KTN1: variants seen among roughly 807,000 people sequenced by gnomAD.
The protein encoded by KTN1 is kinectin 1.
A neutral mutation model predicts 222.5 loss-of-function variants in KTN1; 130 were observed. The ratio of observed to expected loss-of-function variants is 0.58; its 90% CI spans 0.51 to 0.68. The LOEUF is 0.68. KTN1 is among the 30% of genes least tolerant of loss of function. The pLI is 0.00. For synonymous variants in KTN1, 512 were observed against 496.3 expected (o/e 1.03, Z -0.42); for missense variants, 1,508 against 1,500.4 (o/e 1.01, Z -0.08).
At chr14:55,586,328 A>G (rs2032989935) in intron 1 of KTN1, among the ~76,000 whole-genome samples, 1 of 152,234 alleles carries the variant, frequency 6.6e-6, no homozygotes, top group African/African-American at 2.4e-5. Flanking sequence ...AGGCTCATTA[A>G]GGAATTATCT....
chr14:55,676,102 G>C (rs1021933633), intron 41 of KTN1, among the ~76,000 whole-genome samples, 184 bp downstream of exon 41: 1 of 152,064 alleles, frequency 6.6e-6, no homozygotes, highest in Non-Finnish European at 1.5e-5. Context: ...GTTTTTCCAG[G>C]ATTCTTAATT....
Position 55,684,116 on chromosome 14 carries a change from A to T in KTN1, c.*13A>T, listed in dbSNP as rs765431987. On this transcript the variant is annotated 3_prime_UTR_variant, in exon 44 of 44. Coordinates refer to ENST00000395314, the MANE Select transcript of KTN1 (RefSeq NM_001079521.2). ...TTTTACAGAGTGAAGTAATTGGGAA[A>T]CTGTTCATTTGAGGATAAAAAAGGC... 6.3e-7 allele frequency: 1 copy of T among 1,599,982 alleles called. No individual in the cohort carries two copies. The highest frequency in any genetic ancestry group is 1.7e-5 in the Admixed American group (1 of 58,806).
Position 55,619,191 on chromosome 14 carries a change from A to G in KTN1, c.842A>G (p.Glu281Gly). ...TTTTTTTCAAATTAAGAAAATGCTGAAGTGAAGTTTAAAGATTTTCTTCTG... is the reference window on the plus strand; with the variant it reads ...TTTTTTTCAAATTAAGAAAATGCTGGAGTGAAGTTTAAAGATTTTCTTCTG... ...LKTETDKENAEVKFKDFLLSL... is the reference protein window; with the variant it reads ...LKTETDKENAGVKFKDFLLSL... Residue 281 changes from glutamate to glycine, a missense_variant, in exon 5 of 44, where the codon GAA becomes GGA. By Grantham distance (98) the Glu-to-Gly change is moderately conservative (BLOSUM62 -2). Coordinates refer to ENST00000395314, the MANE Select transcript of KTN1 (RefSeq NM_001079521.2). 1 of 1,603,934 alleles carries G rather than the reference A, an allele frequency of 6.2e-7. No homozygotes were observed. Among genetic ancestry groups the G allele is most frequent in the Non-Finnish European group, 8.5e-7 (1 of 1,173,130 alleles).
At chr14:55,659,754 T>G in intron 31 of KTN1, 51 bp downstream of exon 31, 1 of 1,031,562 alleles carries the variant, frequency 9.7e-7, no homozygotes, top group Middle Eastern at 2.1e-4. Flanking sequence ...TATTTTTATG[T>G]GGTAAACCAT....
intron 1 of KTN1, among the ~76,000 whole-genome samples, chr14:55,604,268 C>G (rs1398876551): frequency 6.6e-6 from 1 of 152,182 alleles, no homozygotes; most frequent in Non-Finnish European, 1.5e-5. Flanking sequence ...GTCTCATGAT[C>G]TTTGTGCTTG....
At chr14:55,611,614 T>C (rs925784640) in intron 1 of KTN1, among the ~76,000 whole-genome samples, 6 of 152,148 alleles carry the variant, frequency 3.9e-5, no homozygotes, top group Non-Finnish European at 8.8e-5. Flanking sequence ...TGAATGTCCA[T>C]TGAGTTGGTA....
chr14:55,639,180 C>G lies in KTN1; in HGVS notation c.1786-5C>G, dbSNP rs1566771418. The G allele has an allele frequency of 1.3e-6, 2 of 1,595,114 alleles. No homozygotes were observed. The highest frequency in any genetic ancestry group is 1.7e-5 in the Admixed American group (1 of 59,782). The stretch of plus-strand genomic sequence containing the variant: ...TTTTATGTTGACACTATTTTTCTTT[C>G]TTAGACCTCCGCTTCAGTTCTAGCA... On this transcript the variant is annotated splice_region_variant and splice_polypyrimidine_tract_variant and intron_variant, in intron 12 of 43. Transcript: ENST00000395314.
chr14:55,673,473 G>C (rs923374925), intron 40 of KTN1: 2 of 359,866 alleles, frequency 5.6e-6, no homozygotes, highest in African/African-American at 4.2e-5. Context: ...ACAATGGCAT[G>C]TTTGGCTTCC....
chr14:55,684,173 AT>A lies in KTN1; in HGVS notation c.*73del. 1 of 1,260,060 alleles carries A rather than the reference AT, an allele frequency of 7.9e-7. No homozygotes were observed. The highest frequency in any genetic ancestry group is 1.1e-6 in the Non-Finnish European group (1 of 881,204). 78.1% of individuals were successfully genotyped at this position (1,260,060 alleles called of 1,614,324 possible). On this transcript the variant is annotated 3_prime_UTR_variant, in exon 44 of 44. Coordinates refer to ENST00000395314, the MANE Select transcript of KTN1 (RefSeq NM_001079521.2). ...TTATATTTTGCCAAATTAAAGCCTT[AT>A]TTATGTTTTCACCCTTTCTACTTTG...
intron 5 of KTN1, among the ~76,000 whole-genome samples, chr14:55,627,032 A>C (rs1174721222): frequency 1.3e-5 from 2 of 152,180 alleles, no homozygotes; most frequent in Non-Finnish European, 2.9e-5. Context: ...CTCTGTAGCC[A>C]TGGGTATATT....
chr14:55,623,183 C>A (rs1334430256), intron 5 of KTN1, among the ~76,000 whole-genome samples: 1 of 152,246 alleles, frequency 6.6e-6, no homozygotes, highest in African/African-American at 2.4e-5. Context: ...TTTATCATAG[C>A]ACTATAAGTC....
At chr14:55,600,452 G>A (rs905246977) in intron 1 of KTN1, among the ~76,000 whole-genome samples, 4 of 152,108 alleles carry the variant, frequency 2.6e-5, no homozygotes, top group Admixed American at 2.6e-4. Context: ...ACCACTGGGA[G>A]AAGTTATAGG....
chr14:55,599,528 A>C (rs2035629138), intron 1 of KTN1, among the ~76,000 whole-genome samples: 1 of 151,676 alleles, frequency 6.6e-6, no homozygotes, highest in Non-Finnish European at 1.5e-5. Flanking sequence ...GCAGTGGCGC[A>C]ATCTTGGCTC....
chr14:55,600,536 C>T (rs1241079276), intron 1 of KTN1, among the ~76,000 whole-genome samples: 1 of 152,106 alleles, frequency 6.6e-6, no homozygotes, highest in Non-Finnish European at 1.5e-5. Context: ...GGGAGGTATT[C>T]ATCCCTGCTT....
At chr14:55,587,630 T>C (rs1486234063) in intron 1 of KTN1, among the ~76,000 whole-genome samples, 1 of 152,220 alleles carries the variant, frequency 6.6e-6, no homozygotes, top group Non-Finnish European at 1.5e-5. Flanking sequence ...TGGGAAGTCA[T>C]GTTCATTTGA....
At chr14:55,638,698 G>A (rs866750940) in intron 12 of KTN1, among the ~76,000 whole-genome samples, 14 of 151,898 alleles carry the variant, frequency 9.2e-5, no homozygotes, top group Middle Eastern at 6.8e-3. Context: ...ATTGAATTGT[G>A]ATCTTTAGTT....
chr14:55,652,445 C>A (rs2043017279), intron 25 of KTN1, among the ~76,000 whole-genome samples: 1 of 141,064 alleles, frequency 7.1e-6, no homozygotes, highest in Admixed American at 7.6e-5. Flanking sequence ...GTCGCCCAGG[C>A]TGGAGTGCAG....
chr14:55,583,829 A>G (rs137905970), intron 1 of KTN1, among the ~76,000 whole-genome samples: 41 of 152,196 alleles, frequency 2.7e-4, no homozygotes, highest in East Asian at 2.1e-3. Flanking sequence ...TTCCTCAAAC[A>G]TGTTTGATGT....
At chr14:55,651,577 C>G in intron 24 of KTN1, 2 of 366,360 alleles carry the variant, frequency 5.5e-6, no homozygotes, top group South Asian at 5.4e-5. Flanking sequence ...TTGATCACAA[C>G]CAGTTACAGA....
Sources: gnomAD v4.1 joint callset for allele counts (sites outside exome capture counted in the v4.1 genomes callset) on GRCh38, gnomAD v4.1.1 for gene constraint, MANE v1.5 for transcripts, NCBI Gene and HGNC (gene_info 2026-07-23, HGNC 2026-07-21) for gene names.